Variants in HNRNPM observed in about 807,000 individuals in gnomAD.
HNRNPM encodes heterogeneous nuclear ribonucleoprotein M.
Under a neutral mutation model 73.1 loss-of-function variants are expected in HNRNPM, and 11 were observed. The ratio of observed to expected loss-of-function variants is 0.15; its 90% CI spans 0.09 to 0.25. HNRNPM has a LOEUF of 0.25. HNRNPM is among the 10% of genes least tolerant of loss of function. The pLI is 1.00. For missense variants in HNRNPM, 789 were observed against 1,067.9 expected (o/e 0.74, Z 3.64); for synonymous variants, 407 against 355.2 (o/e 1.15, Z -1.64).
chr19:8,478,856 C>G (rs1284214561), intron 12 of HNRNPM, among the ~76,000 whole-genome samples: 1 of 152,084 alleles, frequency 6.6e-6, no homozygotes, highest in Non-Finnish European at 1.5e-5. Context: ...CTAATTGGGG[C>G]AGGAGTTTCC....
At position 8,465,362 on chromosome 19, in the gene HNRNPM, G is replaced by A; in HGVS notation, c.477G>A (p.Lys159=). 1 of 1,612,356 alleles carries A rather than the reference G, an allele frequency of 6.2e-7. No homozygotes were observed. Among genetic ancestry groups the A allele is most frequent in the Non-Finnish European group, 8.5e-7 (1 of 1,179,456 alleles). The change falls in exon 6 of 16, where the codon AAG becomes AAA. Residue 159 remains lysine (K), a synonymous_variant. Coordinates refer to ENST00000325495, the MANE Select transcript of HNRNPM (RefSeq NM_005968.5). ...DGEHARRAMQ[K]VMATTGGMGM... ...AACATGCCAGGAGAGCAATGCAAAA[G>A]GTGATGGCTACGACTGGTGGGATGG...
intron 1 of HNRNPM, among the ~76,000 whole-genome samples, chr19:8,455,070 G>GT (rs1403744557): frequency 1.8e-4 from 27 of 152,220 alleles, no homozygotes; most frequent in African/African-American, 6.3e-4. Context: ...GAACTCCCGA[G>GT]TTTAAGTGAT....
At chr19:8,481,062 G>GCACAATGCCA in intron 12 of HNRNPM, among the ~76,000 whole-genome samples, 1 of 152,296 alleles carries the variant, frequency 6.6e-6, no homozygotes, top group Middle Eastern at 3.4e-3. Context: ...GCCATGAGAG[G>GCACAATGCCA]TGAACCATTG....
chr19:8,472,927 T>C (rs974996628), intron 10 of HNRNPM, among the ~76,000 whole-genome samples: 1 of 152,206 alleles, frequency 6.6e-6, no homozygotes, highest in African/African-American at 2.4e-5. Context: ...CCCTAAAATT[T>C]TCTAAAAAGT....
At chr19:8,479,486 T>A (rs1970751409) in intron 12 of HNRNPM, among the ~76,000 whole-genome samples, 1 of 152,130 alleles carries the variant, frequency 6.6e-6, no homozygotes, top group South Asian at 2.1e-4. Flanking sequence ...GATTCTTTTT[T>A]AATACAGTCT....
At chr19:8,458,176 A>T (rs1311407503) in intron 2 of HNRNPM, among the ~76,000 whole-genome samples, 1 of 152,138 alleles carries the variant, frequency 6.6e-6, no homozygotes, top group Non-Finnish European at 1.5e-5. Flanking sequence ...CTCACTCTTG[A>T]TCCTCTTCCC....
At chr19:8,460,092 C>G (rs1969297862) in intron 2 of HNRNPM, among the ~76,000 whole-genome samples, 1 of 152,142 alleles carries the variant, frequency 6.6e-6, no homozygotes, top group African/African-American at 2.4e-5. Flanking sequence ...GTCACCTCTA[C>G]CCCTGAGTCC....
Position 8,486,345 on chromosome 19 carries a change from T to C in HNRNPM, c.1917T>C (p.Gly639=), listed in dbSNP as rs1971307547. The C allele has an allele frequency of 6.3e-7, 1 of 1,597,694 alleles. No homozygotes were observed. Among genetic ancestry groups the C allele is most frequent in the Non-Finnish European group, 8.5e-7 (1 of 1,178,696 alleles). Reference sequence around the variant, plus strand: ...GAGGAAGCTTCGCAGGTTCCTTTGGTGGAGCTGGAGGCCATGCTCCTGGGG... The same window carrying C: ...GAGGAAGCTTCGCAGGTTCCTTTGGCGGAGCTGGAGGCCATGCTCCTGGGG... ...NFGGSFAGSF[G]GAGGHAPGVA... Residue 639 remains glycine, a synonymous_variant, in exon 14 of 16, where the codon GGT becomes GGC. Coordinates refer to ENST00000325495, the MANE Select transcript of HNRNPM (RefSeq NM_005968.5).
chr19:8,462,331 A>T lies in HNRNPM; in HGVS notation c.284-198A>T, dbSNP rs1969460459. On this transcript the variant is annotated intron_variant, in intron 2 of 15. Coordinates refer to ENST00000325495, the MANE Select transcript of HNRNPM (RefSeq NM_005968.5). This position sits in a 1 kb window ranked among gnomAD's most constrained non-coding sequence, Gnocchi z 4.5. ...TTGTGGTGGGAGGAAAATCAAGGACATATTGTTAACGTGTTTTCACCTACT... is the reference window on the plus strand; with the variant it reads ...TTGTGGTGGGAGGAAAATCAAGGACTTATTGTTAACGTGTTTTCACCTACT... 5.5e-6 allele frequency: 3 copies of T among 549,236 alleles called. No individual in the cohort carries two copies. Among genetic ancestry groups the T allele is most frequent in the South Asian group, 2.5e-5 (1 of 40,350 alleles). 34.0% of individuals were successfully genotyped at this position (549,236 alleles called of 1,614,324 possible).
chr19:8,479,755 TAAA>T (rs1178134145), intron 12 of HNRNPM, among the ~76,000 whole-genome samples: 1 of 83,228 alleles, frequency 1.2e-5, no homozygotes, highest in Non-Finnish European at 2.2e-5. Context: ...GCGGTGTATT[TAAA>T]AAAAAAAAAA....
chr19:8,466,208 G>A (rs1477165569), intron 6 of HNRNPM, 27 bp from the exon 7 acceptor site: 3 of 1,599,718 alleles, frequency 1.9e-6, no homozygotes, highest in South Asian at 1.1e-5. Context: ...TTACATTGAG[G>A]TTTTTACCCC....
At chr19:8,474,586 G>A (rs1176591011) in intron 12 of HNRNPM, among the ~76,000 whole-genome samples, 1 of 152,122 alleles carries the variant, frequency 6.6e-6, no homozygotes, top group Non-Finnish European at 1.5e-5. Context: ...TGCTGCAAAG[G>A]GTTGTTCTTG....
chr19:8,479,386 G>A (rs1970745203), intron 12 of HNRNPM, among the ~76,000 whole-genome samples: 1 of 151,962 alleles, frequency 6.6e-6, no homozygotes, highest in Non-Finnish European at 1.5e-5. Context: ...GTCTGTTGAT[G>A]TCCATTTTAT....
chr19:8,463,635 G>C lies in HNRNPM; in HGVS notation c.387G>C (p.Ala129=). 4 of 1,613,992 alleles carry C rather than the reference G, an allele frequency of 2.5e-6. No homozygotes were observed. Among genetic ancestry groups the C allele is most frequent in the Non-Finnish European group, 3.4e-6 (4 of 1,179,894 alleles). ...TGGAAGAGAGCATGAAAAAAGCTGC[G>C]GAAGTCCTAAACAAGCATAGTCTGA... is the stretch of plus-strand genomic sequence containing the variant. ...FKMEESMKKA[A]EVLNKHSLSG... The change falls in exon 5 of 16, where the codon GCG becomes GCC. Residue 129 remains alanine (A), a synonymous_variant. Coordinates refer to ENST00000325495, the MANE Select transcript of HNRNPM (RefSeq NM_005968.5).
At chr19:8,453,512 A>G (rs114348022) in intron 1 of HNRNPM, among the ~76,000 whole-genome samples, 1,693 of 152,356 alleles carry the variant, frequency 0.011, 36 homozygotes, top group African/African-American at 0.038. Flanking sequence ...GAAGAAAGTT[A>G]CATCCCAGAA....
intron 12 of HNRNPM, 43 bp downstream of exon 12, chr19:8,474,287 G>A (rs775637094): frequency 1.3e-5 from 19 of 1,436,424 alleles, no homozygotes; most frequent in East Asian, 5.2e-5. Context: ...ACCCTTTGCC[G>A]GCTGTTGCCT....
At chr19:8,473,850 C>T in intron 11 of HNRNPM, 142 bp downstream of exon 11, 1 of 646,906 alleles carries the variant, frequency 1.5e-6, no homozygotes, top group South Asian at 2.0e-5. Flanking sequence ...TCCTGCCTGT[C>T]CATCCTTCCA....
intron 1 of HNRNPM, 34 bp downstream of exon 1, chr19:8,445,145 G>A: frequency 7.4e-7 from 1 of 1,356,970 alleles, no homozygotes; most frequent in Non-Finnish European, 9.5e-7. Context: ...CACGGGTAAG[G>A]GTTCCTCTCC....
intron 9 of HNRNPM, among the ~76,000 whole-genome samples, chr19:8,471,111 C>T (rs1001961224): frequency 2.6e-5 from 4 of 151,712 alleles, no homozygotes; most frequent in Non-Finnish European, 5.9e-5. Flanking sequence ...GGTTTTCAGC[C>T]GCCTTTGTTG....
Sources: gnomAD v4.1 joint callset for allele counts (sites outside exome capture counted in the v4.1 genomes callset) on GRCh38, gnomAD v4.1.1 for gene constraint, Gnocchi (gnomAD v3.1) non-coding constraint, MANE v1.5 for transcripts, NCBI Gene and HGNC (gene_info 2026-07-23, HGNC 2026-07-21) for gene names.